ITSN2: variants seen among roughly 807,000 people sequenced by gnomAD.
ITSN2 encodes intersectin-2.
ITSN2 carries 156 observed loss-of-function variants against 243.7 expected under a neutral mutation model. The observed-to-expected ratio is 0.64, with a 90% CI of 0.56 to 0.73. The LOEUF is 0.73. Ranked by LOEUF, ITSN2 falls within the 30% of genes least tolerant of loss-of-function variation. The pLI, the probability that ITSN2 is intolerant of heterozygous loss-of-function variation, is 0.00. For synonymous variants in ITSN2, 703 were observed against 699.9 expected (o/e 1.00, Z -0.07); for missense variants, 1,801 against 1,996.1 (o/e 0.90, Z 1.86).
intron 29 of ITSN2, among the ~76,000 whole-genome samples, chr2:24,224,285 T>G (rs184321144): frequency 6.6e-6 from 1 of 152,362 alleles, no homozygotes; most frequent in Admixed American, 6.5e-5. Context: ...CTTAATATTT[T>G]TCTCTAAACG....
At chr2:24,256,630 T>C (rs1294926500) in intron 23 of ITSN2, among the ~76,000 whole-genome samples, 1 of 152,220 alleles carries the variant, frequency 6.6e-6, no homozygotes, top group East Asian at 1.9e-4. Flanking sequence ...TTAGCTTTTT[T>C]CATTTGAAAA....
chr2:24,294,953 C>G (rs998600650), intron 14 of ITSN2, among the ~76,000 whole-genome samples: 2 of 152,160 alleles, frequency 1.3e-5, no homozygotes, highest in Admixed American at 6.5e-5. Context: ...TTAAAGGAGA[C>G]AGCAAGCCCT....
intron 23 of ITSN2, 141 bp from the exon 24 acceptor site, chr2:24,254,572 G>C: frequency 1.7e-6 from 1 of 574,368 alleles, no homozygotes. Context: ...ACACAGAACT[G>C]GGAAGACTTA....
Position 24,254,432 on chromosome 2 carries a change from C to A in ITSN2, c.2889-1G>T. 1 of 1,604,822 alleles carries A rather than the reference C, an allele frequency of 6.2e-7. No homozygotes were observed. Among genetic ancestry groups the A allele is most frequent in the South Asian group, 1.1e-5 (1 of 90,814 alleles). ...TACAGCTGCATACAAAGCTTCTGGT[C>A]TACCAAATATATAAACAAACAAACA... On this transcript the variant is annotated splice_acceptor_variant, in intron 23 of 39. Coordinates refer to ENST00000355123, the MANE Select transcript of ITSN2 (RefSeq NM_006277.3). LOFTEE classifies it high-confidence loss of function.
chr2:24,360,127 C>T (rs1688820947), intron 1 of ITSN2, among the ~76,000 whole-genome samples, 177 bp downstream of exon 1: 1 of 152,078 alleles, frequency 6.6e-6, no homozygotes, highest in African/African-American at 2.4e-5. Flanking sequence ...GTTTCCGCCC[C>T]GCACGGCCGA....
At chr2:24,303,732 G>T in intron 9 of ITSN2, 67 bp downstream of exon 9, 1 of 988,186 alleles carries the variant, frequency 1.0e-6, no homozygotes, top group Non-Finnish European at 1.6e-6. Context: ...CTTGTAATAG[G>T]GGAGAGAGAG....
chr2:24,245,946 A>T (rs1347801561), intron 29 of ITSN2, among the ~76,000 whole-genome samples, 183 bp downstream of exon 29: 1 of 152,230 alleles, frequency 6.6e-6, no homozygotes, highest in Non-Finnish European at 1.5e-5. Context: ...GCAAGTATTT[A>T]AAATAAAGCT....
At chr2:24,212,620 CAG>C (rs1302427280) in intron 33 of ITSN2, 28 bp downstream of exon 33, 1 of 1,558,742 alleles carries the variant, frequency 6.4e-7, no homozygotes. Context: ...GCTCCTAACT[CAG>C]ACCCCACTGC....
rs558130295 is a variant in ITSN2 at position 24,205,251 on chromosome 2, G to A, written c.4725C>T (p.Val1575=). ...TSGIGRLMVH[V]IEATELKACK... ...AGGCTTTTAATTCTGTAGCTTCAAT[G>A]ACATGCACCATCAGGCGCCCAATGC... Residue 1575 remains valine (V), a synonymous_variant, in exon 38 of 40, where the codon GTC becomes GTT. Transcript: ENST00000355123. The A allele has an allele frequency of 2.5e-6, 4 of 1,614,008 alleles. No homozygotes were observed. The highest frequency in any genetic ancestry group is 2.2e-5 in the East Asian group (1 of 44,886).
At chr2:24,269,806 T>C (rs1051874034) in intron 20 of ITSN2, among the ~76,000 whole-genome samples, 4 of 152,208 alleles carry the variant, frequency 2.6e-5, no homozygotes, top group East Asian at 1.9e-4. Flanking sequence ...AGATTGGTTG[T>C]ATCTCTTCAT....
intron 4 of ITSN2, 47 bp from the exon 5 acceptor site, chr2:24,312,422 G>A (rs1459990208): frequency 8.6e-6 from 12 of 1,392,860 alleles, no homozygotes; most frequent in African/African-American, 5.8e-5. Flanking sequence ...TGTGGTGGTG[G>A]GAAAACTAAC....
rs776133866 is a variant in ITSN2, at chr2:24,325,928, T to TAC, written c.31+2122_31+2123dup. Among the ~76,000 whole-genome samples the TAC allele has an allele frequency of 4.0e-5, 6 of 151,456 alleles. No individual in the cohort carries two copies. In the South Asian group the frequency reaches 8.3e-4, roughly 21 times the overall value. ...GTTTTTACACACACACGTATATACA[T>TAC]ACACACACACACATACACACACACA... On this transcript the variant is annotated intron_variant, in intron 2 of 39. Coordinates refer to ENST00000355123, the MANE Select transcript of ITSN2 (RefSeq NM_006277.3).
chr2:24,346,990 G>A (rs571977037), intron 1 of ITSN2, among the ~76,000 whole-genome samples: 9 of 150,284 alleles, frequency 6.0e-5, no homozygotes, highest in Admixed American at 5.3e-4. Context: ...TCAGCCTCCC[G>A]AGTAGCTGCT....
At chr2:24,315,885 T>C (rs74373022) in intron 2 of ITSN2, among the ~76,000 whole-genome samples, 1 of 152,348 alleles carries the variant, frequency 6.6e-6, no homozygotes, top group East Asian at 1.9e-4. Context: ...AAACCCTTTT[T>C]TTCATAAATT....
rs776472885 is a variant in ITSN2, at chr2:24,312,264, A to G, written c.300T>C (p.Pro100=). The part of the protein sequence containing the change: ...LQGQQLPVVL[P]PIMKQPPMFS... ...ACATAGGGGGTTGCTTCATAATAGGAGGGAGAACCACAGGCAACTGTTGGC... is the reference window on the plus strand; with the variant it reads ...ACATAGGGGGTTGCTTCATAATAGGGGGGAGAACCACAGGCAACTGTTGGC... Residue 100 remains proline, a synonymous_variant, in exon 5 of 40, where the codon CCT becomes CCC. Transcript: ENST00000355123. 1 of 1,613,574 alleles carries G rather than the reference A, an allele frequency of 6.2e-7. No homozygotes were observed. Among genetic ancestry groups the G allele is most frequent in the African/African-American group, 1.3e-5 (1 of 74,900 alleles).
intron 20 of ITSN2, among the ~76,000 whole-genome samples, chr2:24,263,510 T>C (rs540314091): frequency 5.9e-5 from 9 of 152,312 alleles, no homozygotes; most frequent in Non-Finnish European, 8.8e-5. Flanking sequence ...ACAATCAAGA[T>C]AGCCAACACT....
rs969607743 is a variant in ITSN2, at chr2:24,301,295, G to A, written c.996-56C>T. 3 of 995,576 alleles carry A rather than the reference G, an allele frequency of 3.0e-6. No homozygotes were observed. The East Asian group carries it at 7.2e-5, about 24-fold the overall frequency. The allele number at this position is 995,576 out of a possible 1,614,324, so 61.7% of individuals were successfully genotyped here. On this transcript the variant is annotated intron_variant, in intron 10 of 39. Transcript: ENST00000355123. Reference sequence around the variant, plus strand: ...ATGTAGTCTGGACATTTTCAGACTAGATTACACAGACTACCAGTGATTATG... The same window carrying A: ...ATGTAGTCTGGACATTTTCAGACTAAATTACACAGACTACCAGTGATTATG...
intron 1 of ITSN2, among the ~76,000 whole-genome samples, chr2:24,333,119 T>C (rs1574345134): frequency 6.6e-6 from 1 of 152,364 alleles, no homozygotes; most frequent in East Asian, 1.9e-4. Flanking sequence ...CAGTATGTCA[T>C]GAAGCCAGAA....
In ITSN2 at chr2:24,204,073, A is replaced by G. The variant is rs373058979; in HGVS notation, c.4936+172T>C. 67 of 672,676 alleles carry G rather than the reference A, an allele frequency of 1.0e-4. 1 individual carries two copies. The East Asian group carries it at 1.1e-3, about 11-fold the overall frequency. 41.7% of individuals were successfully genotyped at this position (672,676 alleles called of 1,614,324 possible). On this transcript the variant is annotated intron_variant, in intron 39 of 39. Coordinates refer to ENST00000355123, the MANE Select transcript of ITSN2 (RefSeq NM_006277.3). This position sits in a 1 kb window ranked among gnomAD's most constrained non-coding sequence, Gnocchi z 5.1. The stretch of plus-strand genomic sequence containing the variant: ...AAAGACCTGAAACACATCTCAGGCC[A>G]CCTCCTCCCCTGAGGAAGGCCACCC...
Sources: gnomAD v4.1 joint callset for allele counts (sites outside exome capture counted in the v4.1 genomes callset) on GRCh38, gnomAD v4.1.1 for gene constraint, Gnocchi (gnomAD v3.1) non-coding constraint, MANE v1.5 for transcripts, NCBI Gene and HGNC (gene_info 2026-07-23, HGNC 2026-07-21) for gene names.